The following GPHN variants were observed in gnomAD, a reference collection of about 807,000 sequenced individuals.
GPHN encodes the protein gephyrin.
In GPHN, 17 loss-of-function variants were observed where a neutral mutation model predicts 95.5. The observed-to-expected ratio is 0.18, with a 90% CI of 0.12 to 0.27. The LOEUF (loss-of-function observed/expected upper bound fraction) is 0.27. GPHN is among the 10% of genes least tolerant of loss of function. The pLI is 1.00. For synonymous variants in GPHN, 320 were observed against 322.5 expected (o/e 0.99, Z 0.08); for missense variants, 660 against 978.1 (o/e 0.67, Z 4.34).
At chr14:66,988,817 C>G (rs1443690108) in intron 9 of GPHN, among the ~76,000 whole-genome samples, 1 of 151,958 alleles carries the variant, frequency 6.6e-6, no homozygotes, top group Admixed American at 6.6e-5. Context: ...AGAAGAAAAA[C>G]TAAATTACTA....
At chr14:67,287,867 G>A in the GPHN span, among the ~76,000 whole-genome samples, 1 of 152,180 alleles carries the variant, frequency 6.6e-6, no homozygotes, top group Non-Finnish European at 1.5e-5. Flanking sequence ...AATAATGTCA[G>A]TATTTTAGTG....
At chr14:67,675,334 C>T in the GPHN span, among the ~76,000 whole-genome samples, 1 of 152,048 alleles carries the variant, frequency 6.6e-6, no homozygotes. Context: ...ATAGCGAGAG[C>T]TCTACCAGAA....
At chr14:66,690,674 T>C (rs755654200) in intron 2 of GPHN, among the ~76,000 whole-genome samples, 4 of 152,252 alleles carry the variant, frequency 2.6e-5, no homozygotes, top group African/African-American at 4.8e-5. Context: ...GCTTCATATA[T>C]CTGGGTGCTC....
intron 4 of GPHN, among the ~76,000 whole-genome samples, chr14:66,859,373 T>C (rs780280716): frequency 5.9e-5 from 9 of 152,210 alleles, no homozygotes; most frequent in African/African-American, 1.7e-4. Flanking sequence ...TGTGTGGTAA[T>C]ACAGATAATT....
chr14:67,504,078 A>G, the GPHN span, among the ~76,000 whole-genome samples: 1 of 151,126 alleles, frequency 6.6e-6, no homozygotes, highest in East Asian at 1.9e-4. Context: ...CAGTCGTGCG[A>G]TCTCGGCTCA....
Position 66,904,421 on chromosome 14 carries a change from C to T in GPHN, c.390-11582C>T, listed in dbSNP as rs184098240. ...TACAAATCTCTAGCTAGCCACAGAG[C>T]GGTGATTGGTGCGTTTTTACAGAGC... On this transcript the variant is annotated intron_variant, in intron 5 of 22. Transcript: ENST00000478722. Among the ~76,000 whole-genome samples, 10 of 152,216 alleles carry T rather than the reference C, an allele frequency of 6.6e-5. No individual in the cohort carries two copies. In the East Asian group the frequency reaches 7.7e-4, roughly 12 times the overall value.
At chr14:67,336,415 T>G in the GPHN span, 1 of 195,706 alleles carries the variant, frequency 5.1e-6, no homozygotes, top group East Asian at 1.4e-4. Flanking sequence ...TAACAAATGC[T>G]AAACTATAAA....
intron 9 of GPHN, among the ~76,000 whole-genome samples, chr14:66,983,734 A>T (rs1458454161): frequency 6.6e-6 from 1 of 152,072 alleles, no homozygotes; most frequent in African/African-American, 2.4e-5. Flanking sequence ...TTCTTCTTAT[A>T]ATTCATTGTT....
chr14:66,724,054 T>C (rs1337531194), intron 2 of GPHN, among the ~76,000 whole-genome samples: 1 of 151,718 alleles, frequency 6.6e-6, no homozygotes, highest in Non-Finnish European at 1.5e-5. Context: ...ACAGGTTTCA[T>C]TTGAAAATTT....
At chr14:67,422,419 G>A in the GPHN span, among the ~76,000 whole-genome samples, 2 of 152,198 alleles carry the variant, frequency 1.3e-5, no homozygotes, top group African/African-American at 2.4e-5. Context: ...GGACCTGTGA[G>A]TGTAATACAC....
chr14:66,942,581 T>C (rs1304760727), intron 8 of GPHN, among the ~76,000 whole-genome samples: 4 of 152,254 alleles, frequency 2.6e-5, no homozygotes, highest in African/African-American at 9.6e-5. Flanking sequence ...TTGTGGTTTA[T>C]AATAACTTGA....
chr14:66,740,656 A>T lies in GPHN; in HGVS notation c.144-35808A>T, dbSNP rs2072723840. On this transcript the variant is annotated intron_variant, in intron 2 of 22. Transcript: ENST00000478722. Reference sequence around the variant, plus strand: ...TGTGCTTTTCCTGTGGTAAGTGCTTATCATATTTTTAAAATGACTGATATT... The same window carrying T: ...TGTGCTTTTCCTGTGGTAAGTGCTTTTCATATTTTTAAAATGACTGATATT... Among the ~76,000 whole-genome samples the T allele has an allele frequency of 5.3e-5, 8 of 152,098 alleles. No homozygotes were observed. The South Asian group carries it at 1.7e-3, about 32-fold the overall frequency.
chr14:67,448,019 C>T, the GPHN span: 1 of 151,594 alleles, frequency 6.6e-6, no homozygotes, highest in East Asian at 2.0e-4. Flanking sequence ...TCCCAGGAAA[C>T]CTGCCGAACC....
chr14:66,562,593 C>T lies in GPHN; in HGVS notation c.64+54002C>T, dbSNP rs73279790. Among the ~76,000 whole-genome samples the T allele has an allele frequency of 2.3e-3, 357 of 152,160 alleles. 1 individual carries two copies. Among genetic ancestry groups the T allele is most frequent in the African/African-American group, 7.8e-3 (325 of 41,508 alleles). ...AAGCGTTTGTTGGAATTTGGGCTTA[C>T]GTATCCTTTTAACCAAAGAATAATT... On this transcript the variant is annotated intron_variant, in intron 1 of 22. Coordinates refer to ENST00000478722, the MANE Select transcript of GPHN (RefSeq NM_020806.5).
intron 13 of GPHN, among the ~76,000 whole-genome samples, chr14:67,101,687 G>A (rs2077704150): frequency 2.0e-5 from 3 of 151,458 alleles, no homozygotes; most frequent in African/African-American, 7.3e-5. Context: ...ACATAGAAGA[G>A]CAGAATCCTT....
intron 3 of GPHN, among the ~76,000 whole-genome samples, chr14:66,814,848 G>A (rs1045918564): frequency 2.6e-5 from 4 of 152,120 alleles, no homozygotes; most frequent in Non-Finnish European, 1.5e-5. Context: ...CAGAATATGG[G>A]TAGAAATGAA....
At chr14:66,934,910 A>G (rs1307433028) in intron 8 of GPHN, among the ~76,000 whole-genome samples, 1 of 152,210 alleles carries the variant, frequency 6.6e-6, no homozygotes, top group Non-Finnish European at 1.5e-5. Flanking sequence ...TAAGTACTGT[A>G]TCATCAAAGA....
At chr14:66,724,846 T>G (rs1020540582) in intron 2 of GPHN, among the ~76,000 whole-genome samples, 3 of 152,220 alleles carry the variant, frequency 2.0e-5, no homozygotes, top group African/African-American at 7.2e-5. Flanking sequence ...TATTAAAAAT[T>G]GTATTTGAAT....
intron 15 of GPHN, 67 bp downstream of exon 15, chr14:67,111,986 C>T (rs2078403460): frequency 1.7e-6 from 2 of 1,183,544 alleles, no homozygotes; most frequent in Non-Finnish European, 2.5e-6. Flanking sequence ...CTCAGGAAAC[C>T]CTGGCTACTA....
Sources: allele counts gnomAD v4.1 joint callset (sites outside exome capture counted in the v4.1 genomes callset), GRCh38; gene constraint gnomAD v4.1.1; transcripts MANE v1.5; gene names NCBI Gene and HGNC (gene_info 2026-07-23, HGNC 2026-07-21).